FAF1: variants seen among roughly 807,000 people sequenced by gnomAD.
FAF1 encodes the protein FAS-associated factor 1.
Under a neutral mutation model 92.5 loss-of-function variants are expected in FAF1, and 25 were observed. That is an observed-to-expected ratio of 0.27 (90% confidence interval 0.20 to 0.38). The LOEUF (loss-of-function observed/expected upper bound fraction) is 0.38. Ranked by LOEUF, FAF1 falls within the 10% of genes least tolerant of loss-of-function variation. The pLI is 1.00. For synonymous variants in FAF1, 234 were observed against 273.2 expected (o/e 0.86, Z 1.42); for missense variants, 636 against 793.3 (o/e 0.80, Z 2.38).
chr1:50,888,454 A>G lies in FAF1; in HGVS notation c.46-30457T>C, dbSNP rs557892228. 1.1e-3 allele frequency among the ~76,000 whole-genome samples: 161 copies of G among 152,284 alleles called. 4 individuals are homozygous for G. In the East Asian group the frequency reaches 0.026, roughly 25 times the overall value. On this transcript the variant is annotated intron_variant, in intron 1 of 18. Coordinates refer to ENST00000396153, the MANE Select transcript of FAF1 (RefSeq NM_007051.3). ...AGAGAGGGCATCCCTGTCTAGTGCC[A>G]GTTTTCAAAGGGAATGCTTCCAGTT...
At chr1:50,605,527 T>A (rs1039223127) in intron 8 of FAF1, among the ~76,000 whole-genome samples, 1 of 152,184 alleles carries the variant, frequency 6.6e-6, no homozygotes, top group Non-Finnish European at 1.5e-5. Context: ...TAAACCAAAG[T>A]TATTTCAGCT....
chr1:50,521,176 A>C (rs962011188), intron 15 of FAF1, among the ~76,000 whole-genome samples: 1 of 152,192 alleles, frequency 6.6e-6, no homozygotes, highest in Non-Finnish European at 1.5e-5. Flanking sequence ...TTTTATGGTG[A>C]GAACTCACAC....
chr1:50,705,742 TATA>T, intron 7 of FAF1, 41 bp downstream of exon 7: 1 of 1,072,816 alleles, frequency 9.3e-7, no homozygotes, highest in East Asian at 2.4e-5. Flanking sequence ...CAACATTAGC[TATA>T]ATGAGCTACC....
Position 50,853,073 on chromosome 1 carries a change from G to A in FAF1, c.114+4856C>T, listed in dbSNP as rs186477069. On this transcript the variant is annotated intron_variant, in intron 2 of 18. Coordinates refer to ENST00000396153, the MANE Select transcript of FAF1 (RefSeq NM_007051.3). Reference sequence around the variant, plus strand: ...CAGTGCTCAATGCTTGGCTGCTTTCGGATGAGGACAGAGACTCATTATTAT... The same window carrying A: ...CAGTGCTCAATGCTTGGCTGCTTTCAGATGAGGACAGAGACTCATTATTAT... 3.2e-3 allele frequency among the ~76,000 whole-genome samples: 488 copies of A among 152,174 alleles called. 2 individuals are homozygous for A. The highest frequency in any genetic ancestry group is 4.3e-3 in the Non-Finnish European group (295 of 67,986).
chr1:50,610,033 ATAAAT>A (rs976164118), intron 8 of FAF1, among the ~76,000 whole-genome samples: 3 of 152,202 alleles, frequency 2.0e-5, no homozygotes, highest in African/African-American at 7.2e-5. Context: ...AGTTTGCTAA[ATAAAT>A]TAAAGTATAC....
At chr1:50,750,617 CTTTTCT>C (rs1659819259) in intron 4 of FAF1, among the ~76,000 whole-genome samples, 1 of 143,554 alleles carries the variant, frequency 7.0e-6, no homozygotes, top group Non-Finnish European at 1.5e-5. Flanking sequence ...TATCCTTTTT[CTTTTCT>C]TTTTTTTTTT....
chr1:50,480,596 T>C (rs897235039), intron 17 of FAF1, among the ~76,000 whole-genome samples: 2 of 152,062 alleles, frequency 1.3e-5, no homozygotes, highest in Non-Finnish European at 2.9e-5. Context: ...TACATTCTAG[T>C]AGGGTAGGGA....
intron 1 of FAF1, among the ~76,000 whole-genome samples, chr1:50,858,433 C>G (rs1047272466): frequency 6.6e-6 from 1 of 151,792 alleles, no homozygotes; most frequent in Non-Finnish European, 1.5e-5. Flanking sequence ...TAGATCTGTG[C>G]TGTCTGATAG....
intron 7 of FAF1, among the ~76,000 whole-genome samples, chr1:50,681,508 CTTTCT>C (rs1656417887): frequency 6.6e-6 from 1 of 151,906 alleles, no homozygotes; most frequent in Non-Finnish European, 1.5e-5. Context: ...ACAGCACAAT[CTTTCT>C]TTTCTTTTTT....
chr1:50,798,179 A>G (rs1661835353), intron 3 of FAF1, among the ~76,000 whole-genome samples: 2 of 152,202 alleles, frequency 1.3e-5, no homozygotes, highest in Non-Finnish European at 2.9e-5. Flanking sequence ...AACTGGCTAT[A>G]ATGGCTATTT....
At chr1:50,790,493 A>G (rs1001829414) in intron 3 of FAF1, among the ~76,000 whole-genome samples, 1 of 152,162 alleles carries the variant, frequency 6.6e-6, no homozygotes, top group Non-Finnish European at 1.5e-5. Flanking sequence ...GATTTTATAC[A>G]TAGGAGGCAC....
chr1:50,569,177 C>T (rs966189338), intron 12 of FAF1, among the ~76,000 whole-genome samples: 2 of 152,088 alleles, frequency 1.3e-5, no homozygotes, highest in Non-Finnish European at 2.9e-5. Flanking sequence ...AAAACAAATG[C>T]CTCTATGAAA....
chr1:50,734,147 G>A (rs1459845502), intron 6 of FAF1, among the ~76,000 whole-genome samples: 1 of 152,032 alleles, frequency 6.6e-6, no homozygotes, highest in African/African-American at 2.4e-5. Context: ...TTTCCTACTT[G>A]CTGTCTCTTA....
At chr1:50,527,240 A>C (rs1647858696) in intron 15 of FAF1, among the ~76,000 whole-genome samples, 1 of 152,146 alleles carries the variant, frequency 6.6e-6, no homozygotes. Flanking sequence ...CCTGGTGAGT[A>C]ATAATGTTGA....
At chr1:50,653,383 GCT>G (rs1366145756) in intron 8 of FAF1, among the ~76,000 whole-genome samples, 3 of 151,910 alleles carry the variant, frequency 2.0e-5, no homozygotes, top group African/African-American at 7.3e-5. Flanking sequence ...ATGGAGTTTT[GCT>G]CTTATTGCCC....
chr1:50,943,851 C>T (rs575007522), intron 1 of FAF1, among the ~76,000 whole-genome samples: 1 of 152,200 alleles, frequency 6.6e-6, no homozygotes, highest in Non-Finnish European at 1.5e-5. Flanking sequence ...AAGTACAGTC[C>T]CAAGGACACA....
chr1:50,519,238 GA>G (rs1423198904), intron 15 of FAF1, among the ~76,000 whole-genome samples: 1 of 151,986 alleles, frequency 6.6e-6, no homozygotes, highest in Non-Finnish European at 1.5e-5. Flanking sequence ...GCTGAGGCAG[GA>G]GAATCGCTTG....
At chr1:50,900,187 G>A (rs1326268539) in intron 1 of FAF1, among the ~76,000 whole-genome samples, 1 of 152,052 alleles carries the variant, frequency 6.6e-6, no homozygotes, top group Non-Finnish European at 1.5e-5. Flanking sequence ...ATGAATTTTA[G>A]CATATTAAAG....
intron 15 of FAF1, among the ~76,000 whole-genome samples, chr1:50,526,468 T>C (rs1011836717): frequency 3.3e-5 from 5 of 151,682 alleles, no homozygotes; most frequent in African/African-American, 1.2e-4. Context: ...TTTTAAATAA[T>C]TTTAAAATTT....
Sources: allele counts gnomAD v4.1 joint callset (sites outside exome capture counted in the v4.1 genomes callset), GRCh38; gene constraint gnomAD v4.1.1; transcripts MANE v1.5; gene names NCBI Gene and HGNC (gene_info 2026-07-23, HGNC 2026-07-21).